Variants in SYNPR observed in about 807,000 individuals in gnomAD.
SYNPR encodes the protein synaptoporin.
In SYNPR, 23 loss-of-function variants were observed where a neutral mutation model predicts 32.9. The observed-to-expected ratio is 0.70, with a 90% confidence interval of 0.50 to 0.99. The LOEUF (loss-of-function observed/expected upper bound fraction) is 0.99, where lower values mean the gene tolerates loss of function less well. Ranked by LOEUF, SYNPR falls within the 50% of genes least tolerant of loss-of-function variation. The pLI, the probability that SYNPR is intolerant of heterozygous loss-of-function variation, is 0.00. For missense variants in SYNPR, 318 were observed against 349.3 expected (o/e 0.91, Z 0.71); for synonymous variants, 146 against 135.9 (o/e 1.07, Z -0.52).
At position 63,291,706 on chromosome 3, in the gene SYNPR, GA is replaced by G. The variant is rs747396257; in HGVS notation, c.84+12973del. On this transcript the variant is annotated intron_variant, in intron 2 of 5. Coordinates refer to ENST00000478300, the MANE Select transcript of SYNPR (RefSeq NM_001130003.2). ...TTTTAAAGACAAGTGCTTCATTGGT[GA>G]AAAAAAAAGAATGTTTGTGAAATTG... Among the ~76,000 whole-genome samples, 4 of 150,650 alleles carry G rather than the reference GA, an allele frequency of 2.7e-5. No homozygotes were observed. In the South Asian group the frequency reaches 6.3e-4, roughly 24 times the overall value.
intron 2 of SYNPR, among the ~76,000 whole-genome samples, chr3:63,324,457 G>A (rs1276303357): frequency 2.0e-5 from 3 of 152,048 alleles, no homozygotes; most frequent in African/African-American, 7.2e-5. Context: ...CTTGATTTGG[G>A]CTTTTGGAGG....
chr3:63,297,507 A>G (rs1298493693), intron 2 of SYNPR, among the ~76,000 whole-genome samples: 1 of 152,244 alleles, frequency 6.6e-6, no homozygotes, highest in African/African-American at 2.4e-5. Flanking sequence ...TTATGTTTTA[A>G]TAATGGTATA....
At chr3:63,479,820 A>G (rs1701010441) in intron 2 of SYNPR, among the ~76,000 whole-genome samples, 1 of 152,232 alleles carries the variant, frequency 6.6e-6, no homozygotes, top group South Asian at 2.1e-4. Flanking sequence ...TCCCAAGGTC[A>G]CATTCCAGAG....
chr3:63,288,234 A>G (rs1453817975), intron 2 of SYNPR, among the ~76,000 whole-genome samples: 1 of 152,202 alleles, frequency 6.6e-6, no homozygotes, highest in African/African-American at 2.4e-5. Flanking sequence ...GGCCTGAATA[A>G]AAAGGGTCAT....
chr3:63,536,793 TA>T, intron 3 of SYNPR, among the ~76,000 whole-genome samples: 1 of 152,198 alleles, frequency 6.6e-6, no homozygotes, highest in Middle Eastern at 3.4e-3. Flanking sequence ...TTTAGCAATA[TA>T]AAAGGAACAA....
intron 2 of SYNPR, among the ~76,000 whole-genome samples, chr3:63,348,719 G>A (rs750818961): frequency 6.6e-6 from 1 of 152,152 alleles, no homozygotes. Context: ...GTGAGAGATA[G>A]ATATCCAATT....
intron 2 of SYNPR, among the ~76,000 whole-genome samples, chr3:63,325,064 C>A (rs1003385796): frequency 1.3e-5 from 2 of 152,040 alleles, no homozygotes; most frequent in Non-Finnish European, 2.9e-5. Flanking sequence ...TTTAATGAGG[C>A]CATCTGGTGA....
chr3:63,287,686 T>A (rs2086699061), intron 2 of SYNPR, among the ~76,000 whole-genome samples: 1 of 152,158 alleles, frequency 6.6e-6, no homozygotes, highest in Admixed American at 6.5e-5. Flanking sequence ...GAATAAAGAA[T>A]ATGTAAATGA....
At chr3:63,534,445 G>A (rs369502394) in intron 3 of SYNPR, among the ~76,000 whole-genome samples, 28 of 152,210 alleles carry the variant, frequency 1.8e-4, no homozygotes, top group African/African-American at 6.0e-4. Context: ...ACACATAAAA[G>A]TCACATTTTG....
At chr3:63,611,209 T>A (rs1446292280) in intron 5 of SYNPR, among the ~76,000 whole-genome samples, 2 of 152,184 alleles carry the variant, frequency 1.3e-5, no homozygotes, top group African/African-American at 4.8e-5. Context: ...AAGAAACAGG[T>A]TCTAGAAAGA....
chr3:63,201,600 T>C, the SYNPR span, among the ~76,000 whole-genome samples: 1 of 152,232 alleles, frequency 6.6e-6, no homozygotes, highest in East Asian at 1.9e-4. Context: ...CTGCTTTATA[T>C]TTACAGATAC....
At chr3:63,443,332 C>T in intron 2 of SYNPR, 7 of 1,519,524 alleles carry the variant, frequency 4.6e-6, no homozygotes, top group Non-Finnish European at 3.5e-6. Flanking sequence ...TCCTTTGCTT[C>T]ATAAAAAGAG....
At chr3:63,545,634 A>G (rs1702388108) in intron 3 of SYNPR, 1 of 152,132 alleles carries the variant, frequency 6.6e-6, no homozygotes, top group Non-Finnish European at 1.5e-5. Flanking sequence ...TCCTCCTTGA[A>G]AAAGTAAGGC....
At chr3:63,364,405 A>G (rs2087705220) in intron 2 of SYNPR, among the ~76,000 whole-genome samples, 1 of 152,214 alleles carries the variant, frequency 6.6e-6, no homozygotes, top group South Asian at 2.1e-4. Context: ...TCAAATAGAT[A>G]GAGTGCTTAT....
intron 4 of SYNPR, among the ~76,000 whole-genome samples, chr3:63,559,703 G>GTTT (rs11376346): frequency 7.6e-5 from 11 of 144,936 alleles, no homozygotes; most frequent in African/African-American, 1.8e-4. Flanking sequence ...TTGGGCAAGT[G>GTTT]TTTTTTTTTT....
At chr3:63,273,815 CA>C (rs2086554655), upstream of SYNPR, among the ~76,000 whole-genome samples, 1 of 152,114 alleles carries the variant, frequency 6.6e-6, no homozygotes, top group Non-Finnish European at 1.5e-5. Context: ...CATATTCTTG[CA>C]TGTTTTTTTG....
In SYNPR at chr3:63,592,094, C is replaced by T. The variant is rs536477054; in HGVS notation, c.409-17031C>T. Among the ~76,000 whole-genome samples, 621 of 151,902 alleles carry T rather than the reference C, an allele frequency of 4.1e-3. 3 individuals carry two copies. The highest frequency in any genetic ancestry group is 6.7e-3 in the Non-Finnish European group (457 of 67,954). ...GGTGTCCATAAGAGAAAAGAAGAGACAATGATACACACAGAAGGTGACGTG... is the reference window on the plus strand; with the variant it reads ...GGTGTCCATAAGAGAAAAGAAGAGATAATGATACACACAGAAGGTGACGTG... On this transcript the variant is annotated intron_variant, in intron 4 of 5. Transcript: ENST00000478300.
chr3:63,412,544 G>A (rs939154380), intron 2 of SYNPR, among the ~76,000 whole-genome samples: 10 of 152,164 alleles, frequency 6.6e-5, no homozygotes, highest in African/African-American at 2.2e-4. Context: ...CAAACTGTAA[G>A]TAATGAAGGT....
At chr3:63,270,260 T>G (rs149324484) in intron 3 of SYNPR, among the ~76,000 whole-genome samples, 367 of 152,272 alleles carry the variant, frequency 2.4e-3, no homozygotes, top group Non-Finnish European at 4.1e-3. Context: ...AGACATGACT[T>G]TCATCTTTGG....
Sources: allele counts gnomAD v4.1 joint callset (sites outside exome capture counted in the v4.1 genomes callset), GRCh38; gene constraint gnomAD v4.1.1; transcripts MANE v1.5; gene names NCBI Gene and HGNC (gene_info 2026-07-23, HGNC 2026-07-21).